The following GRID1 variants were observed in gnomAD, a reference collection of about 807,000 sequenced individuals.
GRID1 encodes the protein glutamate ionotropic receptor delta type subunit 1, also known as glutamate receptor ionotropic, delta-1.
GRID1 carries 28 observed loss-of-function variants against 98.0 expected under a neutral mutation model. The observed-to-expected ratio is 0.29, with a 90% confidence interval of 0.21 to 0.39. The LOEUF is 0.39. GRID1 is among the 10% of genes least tolerant of loss of function. The pLI, the probability that GRID1 is intolerant of heterozygous loss-of-function variation, is 1.00. For missense variants in GRID1, 1,111 were observed against 1,340.5 expected (o/e 0.83, Z 2.67); for synonymous variants, 553 against 538.5 (o/e 1.03, Z -0.37).
At chr10:85,624,124 G>C (rs1842885223) in intron 13 of GRID1, among the ~76,000 whole-genome samples, 1 of 152,202 alleles carries the variant, frequency 6.6e-6, no homozygotes, top group African/African-American at 2.4e-5. Context: ...TAATGTCTGA[G>C]AACAGGCATG....
chr10:86,337,891 A>G (rs1477267430), intron 2 of GRID1, among the ~76,000 whole-genome samples: 2 of 151,702 alleles, frequency 1.3e-5, no homozygotes, highest in African/African-American at 4.8e-5. Context: ...TATTATTAGT[A>G]GAGACAGGGT....
intron 8 of GRID1, among the ~76,000 whole-genome samples, chr10:85,845,169 A>G (rs1389927323): frequency 1.3e-5 from 2 of 152,090 alleles, no homozygotes; most frequent in Admixed American, 1.3e-4. Flanking sequence ...CATAGATGAC[A>G]TGATTGTGTA....
chr10:85,706,643 C>T lies in GRID1; in HGVS notation c.1997+16360G>A, dbSNP rs1399672077. Among the ~76,000 whole-genome samples, 14 of 152,178 alleles carry T rather than the reference C, an allele frequency of 9.2e-5. No homozygotes were observed. In the East Asian group the frequency reaches 2.1e-3, roughly 23 times the overall value. The stretch of plus-strand genomic sequence containing the variant: ...GTTCATATGGAACCAAAAAAGAGCC[C>T]GCATTGCCAAGTCAATCCTAAGCCA... On this transcript the variant is annotated intron_variant, in intron 12 of 15. Transcript: ENST00000327946.
intron 4 of GRID1, among the ~76,000 whole-genome samples, chr10:86,064,415 C>T (rs1482874278): frequency 2.6e-5 from 4 of 152,304 alleles, no homozygotes; most frequent in East Asian, 3.9e-4. Context: ...AGGGAGGCAC[C>T]GCTGCCTCAC....
chr10:85,765,694 A>G (rs1348256207), intron 8 of GRID1, among the ~76,000 whole-genome samples: 1 of 152,240 alleles, frequency 6.6e-6, no homozygotes, highest in Non-Finnish European at 1.5e-5. Flanking sequence ...ATTTATATGC[A>G]AATATTCCCA....
chr10:86,320,688 C>T (rs908473633), intron 2 of GRID1, among the ~76,000 whole-genome samples: 25 of 152,158 alleles, frequency 1.6e-4, no homozygotes, highest in Non-Finnish European at 4.4e-5. Context: ...ATGTTATGTA[C>T]ATTTTAACAA....
At chr10:85,670,703 C>T (rs1469241098) in intron 12 of GRID1, among the ~76,000 whole-genome samples, 2 of 152,166 alleles carry the variant, frequency 1.3e-5, no homozygotes, top group East Asian at 3.9e-4. Flanking sequence ...CCACAGGGTC[C>T]TCCATCTTGC....
intron 2 of GRID1, among the ~76,000 whole-genome samples, chr10:86,332,152 G>T (rs1234444833): frequency 9.2e-5 from 14 of 152,206 alleles, no homozygotes; most frequent in Admixed American, 9.2e-4. Flanking sequence ...GCAGGGTGGG[G>T]CCCAGAGGGG....
chr10:86,355,355 C>T (rs1325549671), intron 2 of GRID1, among the ~76,000 whole-genome samples: 1 of 152,218 alleles, frequency 6.6e-6, no homozygotes, highest in Non-Finnish European at 1.5e-5. Context: ...CAGGGTGGGC[C>T]AGGTGGAGAT....
intron 4 of GRID1, among the ~76,000 whole-genome samples, chr10:85,971,175 T>A (rs1412610653): frequency 6.6e-6 from 1 of 152,006 alleles, no homozygotes; most frequent in African/African-American, 2.4e-5. Flanking sequence ...GTGACAACCT[T>A]TCCCCAGGAG....
At chr10:86,146,545 C>A (rs560547753) in intron 3 of GRID1, among the ~76,000 whole-genome samples, 1 of 152,294 alleles carries the variant, frequency 6.6e-6, no homozygotes, top group South Asian at 2.1e-4. Flanking sequence ...CACAGGGATA[C>A]CCTTGCCCTC....
At chr10:85,661,763 T>C (rs12780181) in intron 12 of GRID1, among the ~76,000 whole-genome samples, 4,637 of 152,278 alleles carry the variant, frequency 0.03, 114 homozygotes, top group Non-Finnish European at 0.05. Context: ...GGATGAAAGG[T>C]AATGCACAAA....
At chr10:86,160,789 T>C (rs1444209231) in intron 3 of GRID1, among the ~76,000 whole-genome samples, 1 of 152,178 alleles carries the variant, frequency 6.6e-6, no homozygotes, top group Non-Finnish European at 1.5e-5. Flanking sequence ...CTCAAAGATG[T>C]GAAGTGACTT....
chr10:85,807,615 A>G (rs1032472078), intron 8 of GRID1, among the ~76,000 whole-genome samples: 1 of 152,178 alleles, frequency 6.6e-6, no homozygotes. Flanking sequence ...TTAAATTAAC[A>G]TATGAAGAGC....
chr10:86,091,339 T>C (rs1174590371), intron 4 of GRID1, among the ~76,000 whole-genome samples: 1 of 152,056 alleles, frequency 6.6e-6, no homozygotes, highest in Admixed American at 6.5e-5. Context: ...GCGTGGGAGT[T>C]GGGTGAGGCC....
intron 8 of GRID1, among the ~76,000 whole-genome samples, chr10:85,805,386 A>T (rs1842614201): frequency 6.6e-6 from 1 of 151,880 alleles, no homozygotes; most frequent in Admixed American, 6.6e-5. Context: ...CATGTTCATG[A>T]GTGAAAGACT....
At chr10:86,032,160 G>A (rs1843194355) in intron 4 of GRID1, among the ~76,000 whole-genome samples, 1 of 152,254 alleles carries the variant, frequency 6.6e-6, no homozygotes, top group Non-Finnish European at 1.5e-5. Context: ...CTCTCTGAAT[G>A]GCATGTAATA....
At chr10:86,234,495 A>G (rs1227014326) in intron 2 of GRID1, among the ~76,000 whole-genome samples, 1 of 152,216 alleles carries the variant, frequency 6.6e-6, no homozygotes, top group East Asian at 1.9e-4. Context: ...GGAAGATCCA[A>G]TGTGAAGCAA....
intron 2 of GRID1, among the ~76,000 whole-genome samples, chr10:86,331,644 A>G (rs1233755076): frequency 6.6e-6 from 1 of 152,188 alleles, no homozygotes; most frequent in Non-Finnish European, 1.5e-5. Flanking sequence ...GGGAACAGAA[A>G]GAGTTCAGAC....
Sources: gnomAD v4.1 joint callset for allele counts (sites outside exome capture counted in the v4.1 genomes callset) on GRCh38, gnomAD v4.1.1 for gene constraint, MANE v1.5 for transcripts, NCBI Gene and HGNC (gene_info 2026-07-23, HGNC 2026-07-21) for gene names.